CDKAL1: variants seen among roughly 807,000 people sequenced by gnomAD.
CDKAL1 encodes the protein threonylcarbamoyladenosine tRNA methylthiotransferase.
A neutral mutation model predicts 68.2 loss-of-function variants in CDKAL1; 32 were observed. The observed-to-expected ratio is 0.47, with a 90% CI of 0.35 to 0.63. The LOEUF is 0.63. Among genes scored for constraint, CDKAL1 ranks in the 30% least tolerant of loss-of-function variants. The pLI is 0.00. For missense variants in CDKAL1, 606 were observed against 696.7 expected, an observed-to-expected ratio of 0.87 and a Z score of 1.47; for synonymous variants, 234 against 244.3, an observed-to-expected ratio of 0.96 and a Z score of 0.39.
chr6:20,714,876 A>G (rs1253822021), intron 5 of CDKAL1, among the ~76,000 whole-genome samples: 5 of 152,196 alleles, frequency 3.3e-5, no homozygotes, highest in Non-Finnish European at 7.3e-5. Context: ...ATCACTTTGC[A>G]TCATGCTATG....
At chr6:20,550,935 T>C (rs1050205055) in intron 4 of CDKAL1, among the ~76,000 whole-genome samples, 5 of 146,724 alleles carry the variant, frequency 3.4e-5, no homozygotes, top group East Asian at 2.0e-4. Context: ...GGCGCGATCT[T>C]GGCCCACAGC....
At chr6:21,102,875 C>T (rs1456799029) in intron 12 of CDKAL1, among the ~76,000 whole-genome samples, 5 of 152,170 alleles carry the variant, frequency 3.3e-5, no homozygotes, top group African/African-American at 9.7e-5. Context: ...CTGCTTCCTG[C>T]CAGTTGACAG....
intron 12 of CDKAL1, among the ~76,000 whole-genome samples, chr6:21,092,079 G>T (rs1773054516): frequency 6.6e-6 from 1 of 150,652 alleles, no homozygotes; most frequent in Non-Finnish European, 1.5e-5. Flanking sequence ...GTAGAGACGG[G>T]GTTTCACCAT....
chr6:21,047,967 C>T (rs551730768), intron 11 of CDKAL1, among the ~76,000 whole-genome samples: 75 of 152,174 alleles, frequency 4.9e-4, no homozygotes, highest in Admixed American at 1.9e-3. Flanking sequence ...TCATATCAAT[C>T]GGAATTGGGT....
intron 6 of CDKAL1, among the ~76,000 whole-genome samples, chr6:20,743,917 A>C (rs1299464197): frequency 6.6e-6 from 1 of 152,234 alleles, no homozygotes; most frequent in African/African-American, 2.4e-5. Context: ...AATCTTTTTC[A>C]CAAGATATGA....
At chr6:20,717,693 T>C (rs1467599892) in intron 5 of CDKAL1, among the ~76,000 whole-genome samples, 2 of 152,200 alleles carry the variant, frequency 1.3e-5, no homozygotes, top group Non-Finnish European at 2.9e-5. Context: ...TGCTTTTTGG[T>C]TGTTATTGTG....
chr6:20,804,522 C>T (rs1421732614), intron 8 of CDKAL1, among the ~76,000 whole-genome samples: 1 of 152,194 alleles, frequency 6.6e-6, no homozygotes, highest in Non-Finnish European at 1.5e-5. Flanking sequence ...ATTTGTGATA[C>T]ATGAAGATTA....
chr6:20,899,310 G>A (rs1265616180), intron 9 of CDKAL1, among the ~76,000 whole-genome samples: 4 of 151,900 alleles, frequency 2.6e-5, no homozygotes, highest in African/African-American at 9.7e-5. Flanking sequence ...TGATCCACCT[G>A]CCTCGGCCTC....
Position 21,191,992 on chromosome 6 carries a change from C to CTTTTTTTTTTTTTT in CDKAL1, c.1300-6002_1300-5989dup, listed in dbSNP as rs145894251. 9.0e-4 allele frequency among the ~76,000 whole-genome samples: 31 copies of CTTTTTTTTTTTTTT among 34,532 alleles called. 13 individuals carry two copies. Among genetic ancestry groups the CTTTTTTTTTTTTTT allele is most frequent in the Non-Finnish European group, 1.3e-3 (23 of 18,290 alleles). 22.7% of individuals were successfully genotyped at this position (34,532 alleles called of 152,430 possible). A position where few individuals can be genotyped will look rare whatever the true frequency, so the allele number is the denominator to read the frequency against. ...AGGAATATTTTTATAATTCATTTTT[C>CTTTTTTTTTTTTTT]TTTTTTTTTTTTTTTTTTTTTTTTT... On this transcript the variant is annotated intron_variant, in intron 13 of 15. Coordinates refer to ENST00000274695, the MANE Select transcript of CDKAL1 (RefSeq NM_017774.3).
intron 5 of CDKAL1, among the ~76,000 whole-genome samples, chr6:20,736,240 T>G (rs1272079861): frequency 2.6e-5 from 4 of 152,180 alleles, no homozygotes; most frequent in Non-Finnish European, 5.9e-5. Context: ...TGCCCATTCG[T>G]GTAAGTATTG....
chr6:20,882,702 A>C (rs183127201), intron 9 of CDKAL1, among the ~76,000 whole-genome samples: 1 of 152,230 alleles, frequency 6.6e-6, no homozygotes, highest in Non-Finnish European at 1.5e-5. Context: ...GAAGCATCCT[A>C]GGTTGCTTGC....
chr6:20,982,693 G>A (rs536255802), intron 10 of CDKAL1, among the ~76,000 whole-genome samples: 1 of 150,992 alleles, frequency 6.6e-6, no homozygotes, highest in Non-Finnish European at 1.5e-5. Flanking sequence ...GACTTCTTCT[G>A]TTAACATTGG....
intron 11 of CDKAL1, among the ~76,000 whole-genome samples, chr6:21,026,040 T>G (rs1051805173): frequency 1.3e-5 from 2 of 152,182 alleles, no homozygotes; most frequent in African/African-American, 4.8e-5. Context: ...TGACATTCTT[T>G]TTTTTGCTTA....
intron 13 of CDKAL1, among the ~76,000 whole-genome samples, chr6:21,123,010 G>A (rs1244113538): frequency 6.6e-6 from 1 of 152,044 alleles, no homozygotes; most frequent in Non-Finnish European, 1.5e-5. Flanking sequence ...ACATTTGTAT[G>A]TGTATATATA....
At chr6:20,600,793 C>T (rs1330145192) in intron 4 of CDKAL1, among the ~76,000 whole-genome samples, 140 of 86,068 alleles carry the variant, frequency 1.6e-3, no homozygotes, top group African/African-American at 4.4e-3. Context: ...TATATACACA[C>T]ACACACATGA....
intron 7 of CDKAL1, among the ~76,000 whole-genome samples, chr6:20,774,967 C>T (rs1315913647): frequency 6.6e-5 from 10 of 151,984 alleles, no homozygotes; most frequent in South Asian, 4.1e-4. Context: ...TTTATTAAAG[C>T]GGGTTAATAA....
intron 9 of CDKAL1, among the ~76,000 whole-genome samples, chr6:20,849,837 C>A (rs1352714179): frequency 6.6e-6 from 1 of 152,016 alleles, no homozygotes; most frequent in Non-Finnish European, 1.5e-5. Flanking sequence ...ATGCTACGGG[C>A]GGCCTTATAA....
chr6:20,861,280 C>A (rs1341007721), intron 9 of CDKAL1, among the ~76,000 whole-genome samples: 1 of 152,120 alleles, frequency 6.6e-6, no homozygotes, highest in Non-Finnish European at 1.5e-5. Flanking sequence ...TGTAAGCGTA[C>A]GTAAACCTAA....
At chr6:20,813,432 T>A (rs1166013843) in intron 8 of CDKAL1, among the ~76,000 whole-genome samples, 2 of 152,212 alleles carry the variant, frequency 1.3e-5, no homozygotes, top group African/African-American at 2.4e-5. Context: ...ACATTGTTTT[T>A]TGAAAAAGCA....
Sources: allele counts gnomAD v4.1 joint callset (sites outside exome capture counted in the v4.1 genomes callset), GRCh38; gene constraint gnomAD v4.1.1; transcripts MANE v1.5; gene names NCBI Gene and HGNC (gene_info 2026-07-23, HGNC 2026-07-21).